FAM184A: variants seen among roughly 807,000 people sequenced by gnomAD.
FAM184A encodes family with sequence similarity 184 member A.
In FAM184A, 99 loss-of-function variants were observed where a neutral mutation model predicts 143.8. That is an observed-to-expected ratio of 0.69 (90% CI 0.58 to 0.81). The LOEUF is 0.81. Among genes scored for constraint, FAM184A ranks in the 40% least tolerant of loss-of-function variants. FAM184A has a pLI of 0.00. For missense variants in FAM184A, 1,217 were observed against 1,310.5 expected (o/e 0.93, Z 1.10); for synonymous variants, 427 against 446.4 (o/e 0.96, Z 0.55).
chr6:119,131,222 C>T (rs947152096), intron 1 of FAM184A, among the ~76,000 whole-genome samples: 1 of 152,174 alleles, frequency 6.6e-6, no homozygotes, highest in African/African-American at 2.4e-5. Flanking sequence ...TGGCCCTTTA[C>T]TTCCTCCATC....
At chr6:119,075,067 A>T (rs1490640639) in intron 1 of FAM184A, among the ~76,000 whole-genome samples, 1 of 152,236 alleles carries the variant, frequency 6.6e-6, no homozygotes. Context: ...TATGGGCAAA[A>T]TTATAATCTT....
At chr6:119,121,294 G>T (rs974729731) in intron 1 of FAM184A, among the ~76,000 whole-genome samples, 1 of 151,874 alleles carries the variant, frequency 6.6e-6, no homozygotes, top group Admixed American at 6.6e-5. Flanking sequence ...ATCATACCTG[G>T]CTAATTTTTG....
chr6:119,112,493 G>A (rs1439460141), intron 1 of FAM184A, among the ~76,000 whole-genome samples: 1 of 152,142 alleles, frequency 6.6e-6, no homozygotes, highest in Non-Finnish European at 1.5e-5. Context: ...AAACCGTTTA[G>A]AAAACTCTTG....
intron 1 of FAM184A, among the ~76,000 whole-genome samples, chr6:119,134,830 G>A (rs893491808): frequency 6.6e-6 from 1 of 152,162 alleles, no homozygotes; most frequent in African/African-American, 2.4e-5. Flanking sequence ...AGAGGTTCCA[G>A]GGGCATTAAA....
At chr6:119,084,216 G>C (rs1428966482) in intron 1 of FAM184A, among the ~76,000 whole-genome samples, 3 of 152,120 alleles carry the variant, frequency 2.0e-5, no homozygotes, top group Non-Finnish European at 2.9e-5. Flanking sequence ...CTCCCAGCAG[G>C]TCTCTCCCTC....
At chr6:119,057,598 C>G (rs1226804581) in intron 1 of FAM184A, among the ~76,000 whole-genome samples, 3 of 152,010 alleles carry the variant, frequency 2.0e-5, no homozygotes, top group Non-Finnish European at 4.4e-5. Flanking sequence ...TTTAATTATT[C>G]AGGTGTGGTG....
chr6:119,103,686 G>A (rs971608697), intron 1 of FAM184A, among the ~76,000 whole-genome samples: 1 of 152,042 alleles, frequency 6.6e-6, no homozygotes, highest in Non-Finnish European at 1.5e-5. Flanking sequence ...CTAGCACTTT[G>A]GGAGGCTGTG....
intron 1 of FAM184A, among the ~76,000 whole-genome samples, chr6:119,099,454 A>G (rs932811045): frequency 6.6e-6 from 1 of 152,132 alleles, no homozygotes; most frequent in African/African-American, 2.4e-5. Context: ...GCTTGGGGGA[A>G]GAGCTTCCAG....
chr6:119,136,254 C>T (rs376446611), intron 1 of FAM184A, among the ~76,000 whole-genome samples: 1 of 126,158 alleles, frequency 7.9e-6, no homozygotes, highest in Non-Finnish European at 1.6e-5. Flanking sequence ...GTCCGCAGTC[C>T]GGCCTGGGCG....
chr6:119,145,979 C>T (rs922086408), intron 1 of FAM184A, among the ~76,000 whole-genome samples: 1 of 152,174 alleles, frequency 6.6e-6, no homozygotes, highest in African/African-American at 2.4e-5. Flanking sequence ...AGAGCCAGAG[C>T]TCTTAACTAG....
At chr6:119,133,611 C>T (rs531744446) in intron 1 of FAM184A, among the ~76,000 whole-genome samples, 1 of 150,650 alleles carries the variant, frequency 6.6e-6, no homozygotes, top group African/African-American at 2.4e-5. Context: ...AGGTAGGCTG[C>T]CCCAAGAAAT....
rs57693047 is a variant in FAM184A at position 119,108,128 on chromosome 6, A to AGTGTGTGTGTGTGTGTGTGTGTGT, written c.-202+40949_-202+40950insACACACACACACACACACACACAC. 7.4e-3 allele frequency among the ~76,000 whole-genome samples: 1,086 copies of AGTGTGTGTGTGTGTGTGTGTGTGT among 147,354 alleles called. 11 individuals carry two copies. The highest frequency in any genetic ancestry group is 0.02 in the African/African-American group (770 of 39,114). On this transcript the variant is annotated intron_variant, in intron 1 of 16. Coordinates refer to the FAM184A transcript ENST00000352896. ...TTTGAAAGTTTGAGAAGCACTTGTT[A>AGTGTGTGTGTGTGTGTGTGTGTGT]GTGTGTGTGTGTGTGTGTGTGTGGT...
At chr6:119,037,357 G>A (rs1390263954) in intron 1 of FAM184A, among the ~76,000 whole-genome samples, 8 of 152,120 alleles carry the variant, frequency 5.3e-5, no homozygotes, top group African/African-American at 1.9e-4. Flanking sequence ...TAAGAGACAG[G>A]GCTTCACTAT....
chr6:118,978,110 T>C (rs977184643), intron 11 of FAM184A, among the ~76,000 whole-genome samples: 1 of 152,162 alleles, frequency 6.6e-6, no homozygotes, highest in African/African-American at 2.4e-5. Context: ...ATTACAGGCA[T>C]GCGCCACCAC....
At chr6:119,073,045 C>G (rs763612288) in intron 1 of FAM184A, among the ~76,000 whole-genome samples, 13 of 152,276 alleles carry the variant, frequency 8.5e-5, no homozygotes, top group Non-Finnish European at 1.9e-4. Flanking sequence ...GTCCCTAGAG[C>G]TGAGAACCTT....
chr6:118,980,249 C>T lies in FAM184A; in HGVS notation c.2190G>A (p.Thr730=), dbSNP rs765419429. ...GCTCCTCTAATTCTTCAAGCTCTTGCGTAAGCCGCTGTCGTTCTTGCGTAA... is the reference window on the plus strand; with the variant it reads ...GCTCCTCTAATTCTTCAAGCTCTTGTGTAAGCCGCTGTCGTTCTTGCGTAA... ...AQFTQERQRL[T]QELEELEEQH... The change falls in exon 10 of 18, where the codon ACG becomes ACA. Residue 730 remains threonine, a synonymous_variant. Coordinates refer to ENST00000338891, the MANE Select transcript of FAM184A (RefSeq NM_024581.6). 1.4e-5 allele frequency: 22 copies of T among 1,613,926 alleles called. No individual in the cohort carries two copies. The highest frequency in any genetic ancestry group is 1.0e-4 in the Admixed American group (6 of 59,988).
At chr6:119,063,649 G>A (rs1336301959) in intron 1 of FAM184A, among the ~76,000 whole-genome samples, 1 of 151,964 alleles carries the variant, frequency 6.6e-6, no homozygotes, top group Non-Finnish European at 1.5e-5. Flanking sequence ...TCAACCTCTT[G>A]GGATTATGGC....
At chr6:119,120,823 T>C (rs36080831) in intron 1 of FAM184A, among the ~76,000 whole-genome samples, 5,727 of 111,934 alleles carry the variant, frequency 0.051, 153 homozygotes, top group Non-Finnish European at 0.071. Flanking sequence ...TTTCTTTCTT[T>C]CTTCCTTTCT....
intron 1 of FAM184A, among the ~76,000 whole-genome samples, chr6:119,147,156 C>T (rs1772473543): frequency 6.6e-6 from 1 of 151,234 alleles, no homozygotes; most frequent in African/African-American, 2.4e-5. Context: ...ACTTCCTCCT[C>T]TTTCTCCTGA....
Sources: allele counts gnomAD v4.1 joint callset (sites outside exome capture counted in the v4.1 genomes callset), GRCh38; gene constraint gnomAD v4.1.1; transcripts MANE v1.5; gene names NCBI Gene and HGNC (gene_info 2026-07-23, HGNC 2026-07-21).